The following COL25A1 variants were observed in gnomAD, a reference collection of about 807,000 sequenced individuals.
COL25A1 encodes the protein collagen type XXV alpha 1 chain.
In COL25A1, 103 loss-of-function variants were observed where a neutral mutation model predicts 128.4. That is an observed-to-expected ratio of 0.80 (90% CI 0.68 to 0.94). The LOEUF (loss-of-function observed/expected upper bound fraction) is 0.94, where lower values mean the gene tolerates loss of function less well. Ranked by LOEUF, COL25A1 falls within the 40% of genes least tolerant of loss-of-function variation. The pLI, the probability that COL25A1 is intolerant of heterozygous loss-of-function variation, is 0.00. For synonymous variants in COL25A1, 279 were observed against 277.2 expected, an observed-to-expected ratio of 1.01 and a Z score of -0.06; for missense variants, 745 against 840.0, an observed-to-expected ratio of 0.89 and a Z score of 1.40.
intron 11 of COL25A1, among the ~76,000 whole-genome samples, chr4:108,924,073 T>A (rs954282123): frequency 3.3e-5 from 5 of 152,262 alleles, no homozygotes; most frequent in Non-Finnish European, 5.9e-5. Flanking sequence ...ACATCAACTA[T>A]AATTAGAACC....
chr4:109,184,750 C>T (rs1260582625), intron 3 of COL25A1, among the ~76,000 whole-genome samples: 3 of 152,150 alleles, frequency 2.0e-5, no homozygotes, highest in South Asian at 2.1e-4. Flanking sequence ...AAGAGCTCTC[C>T]GAGGTCACGT....
At chr4:109,159,318 G>A (rs1001242137) in intron 3 of COL25A1, among the ~76,000 whole-genome samples, 1 of 151,902 alleles carries the variant, frequency 6.6e-6, no homozygotes, top group African/African-American at 2.4e-5. Flanking sequence ...ACTGGGTTAC[G>A]ATCTAACCTA....
At chr4:109,004,402 GT>G (rs746263927) in intron 6 of COL25A1, among the ~76,000 whole-genome samples, 4,121 of 83,492 alleles carry the variant, frequency 0.049, 92 homozygotes, top group African/African-American at 0.091. Context: ...TGAGGTTTGT[GT>G]TTTTTTTTTT....
At chr4:109,253,641 T>C (rs1334398624) in intron 3 of COL25A1, among the ~76,000 whole-genome samples, 1 of 152,176 alleles carries the variant, frequency 6.6e-6, no homozygotes, top group Non-Finnish European at 1.5e-5. Flanking sequence ...TATCATACCA[T>C]AGTTCAAAAA....
chr4:109,240,333 C>T (rs909799791), intron 3 of COL25A1, among the ~76,000 whole-genome samples: 6 of 151,996 alleles, frequency 3.9e-5, no homozygotes, highest in Non-Finnish European at 8.8e-5. Context: ...GACATCACAA[C>T]AGCTATGACA....
At chr4:108,876,769 C>A (rs913319903) in intron 19 of COL25A1, among the ~76,000 whole-genome samples, 1 of 152,190 alleles carries the variant, frequency 6.6e-6, no homozygotes, top group Non-Finnish European at 1.5e-5. Flanking sequence ...ACTAATGCAG[C>A]TTCAAATTCC....
At chr4:109,224,876 G>T (rs1217801968) in intron 3 of COL25A1, among the ~76,000 whole-genome samples, 2 of 152,200 alleles carry the variant, frequency 1.3e-5, no homozygotes, top group Admixed American at 6.5e-5. Context: ...GGAGGCGGAG[G>T]TTGCTGTGAG....
intron 17 of COL25A1, among the ~76,000 whole-genome samples, chr4:108,889,498 G>C (rs1741235853): frequency 6.6e-6 from 1 of 150,728 alleles, no homozygotes; most frequent in Non-Finnish European, 1.5e-5. Context: ...AATCAGAAAG[G>C]GAAGAGAATG....
chr4:108,841,061 C>T (rs7694506), intron 31 of COL25A1, among the ~76,000 whole-genome samples: 2,476 of 152,294 alleles, frequency 0.016, 27 homozygotes, highest in Non-Finnish European at 0.025. Flanking sequence ...GATGTCCTCG[C>T]GGTCTAGACA....
chr4:108,858,701 G>A (rs1199913787), intron 24 of COL25A1, among the ~76,000 whole-genome samples: 3 of 152,148 alleles, frequency 2.0e-5, no homozygotes, highest in African/African-American at 7.2e-5. Flanking sequence ...TAATGTGGAA[G>A]AACACAGAGG....
At chr4:109,017,075 C>A (rs1197720170) in intron 5 of COL25A1, among the ~76,000 whole-genome samples, 2 of 152,224 alleles carry the variant, frequency 1.3e-5, no homozygotes, top group Non-Finnish European at 2.9e-5. Flanking sequence ...TCTGTGATTT[C>A]TGGTGTCTCC....
At chr4:108,829,429 ATC>A (rs1404732616) in intron 32 of COL25A1, among the ~76,000 whole-genome samples, 5 of 139,696 alleles carry the variant, frequency 3.6e-5, no homozygotes, top group Non-Finnish European at 6.3e-5. Context: ...CTATCTATCT[ATC>A]TATCATCTAT....
At chr4:108,930,393 C>A (rs948848338) in intron 11 of COL25A1, among the ~76,000 whole-genome samples, 22 of 152,184 alleles carry the variant, frequency 1.4e-4, no homozygotes, top group Admixed American at 6.5e-5. Flanking sequence ...ACTAAGGACT[C>A]CAGAATTCTC....
chr4:109,152,456 CT>C (rs940093270), intron 3 of COL25A1, among the ~76,000 whole-genome samples: 27 of 152,200 alleles, frequency 1.8e-4, no homozygotes, highest in African/African-American at 5.1e-4. Context: ...TTATTCTCCC[CT>C]GATAATATTA....
chr4:109,010,513 C>T (rs981402114), intron 5 of COL25A1, 138 bp from the exon 6 acceptor site: 1 of 608,362 alleles, frequency 1.6e-6, no homozygotes, highest in African/African-American at 2.0e-5. Flanking sequence ...ACAGATTTCA[C>T]TTGTGGCTTT....
At chr4:109,053,122 A>T (rs546652615) in intron 3 of COL25A1, among the ~76,000 whole-genome samples, 1 of 152,208 alleles carries the variant, frequency 6.6e-6, no homozygotes, top group Non-Finnish European at 1.5e-5. Flanking sequence ...TCATTCAATG[A>T]AGAATGAATT....
intron 36 of COL25A1, 70 bp downstream of exon 36, chr4:108,819,182 A>C (rs1421879856): frequency 8.2e-7 from 1 of 1,216,458 alleles, no homozygotes; most frequent in East Asian, 2.4e-5. Flanking sequence ...ACCACTTTAC[A>C]CTGATAGAGA....
intron 3 of COL25A1, among the ~76,000 whole-genome samples, chr4:109,282,860 C>T (rs1327377264): frequency 2.0e-5 from 3 of 152,158 alleles, no homozygotes; most frequent in South Asian, 2.1e-4. Flanking sequence ...ATTGTTAAGG[C>T]TACTTGATTC....
intron 3 of COL25A1, among the ~76,000 whole-genome samples, chr4:109,207,557 C>T (rs1777114904): frequency 6.6e-6 from 1 of 152,130 alleles, no homozygotes; most frequent in Non-Finnish European, 1.5e-5. Flanking sequence ...TACTAATTTT[C>T]TAGTGCATGG....
Sources: gnomAD v4.1 joint callset for allele counts (sites outside exome capture counted in the v4.1 genomes callset) on GRCh38, gnomAD v4.1.1 for gene constraint, MANE v1.5 for transcripts, NCBI Gene and HGNC (gene_info 2026-07-23, HGNC 2026-07-21) for gene names.